ZNF395: variants seen among roughly 807,000 people sequenced by gnomAD.
The protein encoded by ZNF395 is HD gene regulatory region-binding protein 2.
A neutral mutation model predicts 57.7 loss-of-function variants in ZNF395; 20 were observed. The ratio of observed to expected loss-of-function variants is 0.35; its 90% CI spans 0.24 to 0.50. The LOEUF (loss-of-function observed/expected upper bound fraction) is 0.50, where lower values mean the gene tolerates loss of function less well. Ranked by LOEUF, ZNF395 falls within the 20% of genes least tolerant of loss-of-function variation. The pLI is 0.97. For missense variants in ZNF395, 606 were observed against 671.2 expected (o/e 0.90, Z 1.07); for synonymous variants, 295 against 275.9 (o/e 1.07, Z -0.69).
chr8:28,382,060 A>G lies in ZNF395; in HGVS notation c.-59+4333T>C, dbSNP rs182867660. ...ACAGCAATCCCGAATTTCCTGGCCCAGCATTCGAGTCTCTTGAAAACTCAG... is the reference window on the plus strand; with the variant it reads ...ACAGCAATCCCGAATTTCCTGGCCCGGCATTCGAGTCTCTTGAAAACTCAG... On this transcript the variant is annotated intron_variant, in intron 1 of 9. Transcript: ENST00000344423. Among the ~76,000 whole-genome samples the G allele has an allele frequency of 5.3e-5, 8 of 152,282 alleles. No homozygotes were observed. The East Asian group carries it at 1.5e-3, about 29-fold the overall frequency.
intron 3 of ZNF395, among the ~76,000 whole-genome samples, chr8:28,358,809 A>G (rs1337905301): frequency 6.6e-6 from 1 of 152,224 alleles, no homozygotes. Context: ...TTGAGGGTCC[A>G]TGAATGAGGT....
At chr8:28,382,668 G>C (rs1802123126) in intron 1 of ZNF395, among the ~76,000 whole-genome samples, 1 of 152,126 alleles carries the variant, frequency 6.6e-6, no homozygotes, top group South Asian at 2.1e-4. Context: ...CCTTAATCAA[G>C]GTGTCTCTCA....
At chr8:28,372,337 T>C (rs995313625) in intron 1 of ZNF395, among the ~76,000 whole-genome samples, 1 of 152,110 alleles carries the variant, frequency 6.6e-6, no homozygotes, top group African/African-American at 2.4e-5. Flanking sequence ...CTAGCAAAAG[T>C]GCGCGATAAA....
At chr8:28,357,139 G>A (rs899668487) in intron 3 of ZNF395, among the ~76,000 whole-genome samples, 1 of 152,130 alleles carries the variant, frequency 6.6e-6, no homozygotes, top group Non-Finnish European at 1.5e-5. Flanking sequence ...TTTTATTTAG[G>A]GGAAAGAGGA....
chr8:28,352,279 G>A lies in ZNF395; in HGVS notation c.920+294C>T, dbSNP rs541678099. ...CTTGGCCACTAAACATCTTGGAAAC[G>A]GGGTCTCACCAGCAACTAAACCAAA... is the stretch of plus-strand genomic sequence containing the variant. On this transcript the variant is annotated intron_variant, in intron 6 of 9. Coordinates refer to ENST00000344423, the MANE Select transcript of ZNF395 (RefSeq NM_018660.3). The surrounding 1 kb of genome is among the most constrained non-coding windows in gnomAD (Gnocchi z 4.0). Among the ~76,000 whole-genome samples, 1 of 152,296 alleles carries A rather than the reference G, an allele frequency of 6.6e-6. No individual in the cohort carries two copies. The highest frequency in any genetic ancestry group is 1.9e-4 in the East Asian group (1 of 5,180).
intron 1 of ZNF395, among the ~76,000 whole-genome samples, chr8:28,371,977 A>G (rs922225130): frequency 3.9e-5 from 6 of 152,128 alleles, no homozygotes; most frequent in African/African-American, 1.4e-4. Context: ...TGTACCTAGG[A>G]GGTTGCAGTG....
chr8:28,386,356 C>A (rs1403435365), intron 1 of ZNF395, 37 bp downstream of exon 1: 9 of 148,424 alleles, frequency 6.1e-5, no homozygotes, highest in Admixed American at 5.3e-4. Flanking sequence ...GCCCCCGCAC[C>A]CGCCCAGCAC....
intron 1 of ZNF395, among the ~76,000 whole-genome samples, chr8:28,374,471 AT>A (rs1346288059): frequency 3.3e-5 from 5 of 151,948 alleles, no homozygotes; most frequent in South Asian, 4.1e-4. Flanking sequence ...TTTCATTTAA[AT>A]TTTTTTTTTA....
chr8:28,385,552 G>GT (rs888253195), intron 1 of ZNF395, among the ~76,000 whole-genome samples: 10 of 150,616 alleles, frequency 6.6e-5, no homozygotes, highest in Admixed American at 1.3e-4. Context: ...CGGGCGGAGG[G>GT]TGTGTCCCTC....
chr8:28,383,399 G>A (rs932575387), intron 1 of ZNF395, among the ~76,000 whole-genome samples: 1 of 152,030 alleles, frequency 6.6e-6, no homozygotes, highest in South Asian at 2.1e-4. Context: ...AATATCCCTA[G>A]GGCTAATGTC....
chr8:28,382,936 G>A (rs1802127407), intron 1 of ZNF395, among the ~76,000 whole-genome samples: 1 of 152,212 alleles, frequency 6.6e-6, no homozygotes, highest in Non-Finnish European at 1.5e-5. Flanking sequence ...GGTACTTTAT[G>A]AACTTAGATT....
At chr8:28,353,138 C>T (rs1193806662) in intron 5 of ZNF395, 35 bp downstream of exon 5, 26 of 1,603,640 alleles carry the variant, frequency 1.6e-5, no homozygotes, top group Non-Finnish European at 2.2e-5. Flanking sequence ...TCATCCGCTC[C>T]AGCCTGGGCT....
At chr8:28,379,132 C>A (rs1196540569) in intron 1 of ZNF395, among the ~76,000 whole-genome samples, 2 of 152,144 alleles carry the variant, frequency 1.3e-5, no homozygotes, top group African/African-American at 4.8e-5. Flanking sequence ...GTCTGATAAC[C>A]AGGAAAATAT....
rs566722362 is a variant in ZNF395, at chr8:28,352,080, C to T, written c.921-273G>A. On this transcript the variant is annotated intron_variant, in intron 6 of 9. Transcript: ENST00000344423. This position sits in a 1 kb window ranked among gnomAD's most constrained non-coding sequence, Gnocchi z 4.0. ...GGCAGGAGGCATCCCACACTGAGCA[C>T]GACCACGAGCCCTCTCTGGGCCCCA... Among the ~76,000 whole-genome samples, 2 of 152,222 alleles carry T rather than the reference C, an allele frequency of 1.3e-5. No individual in the cohort carries two copies. The highest frequency in any genetic ancestry group is 6.5e-5 in the Admixed American group (1 of 15,288).
rs1457394158 is a variant in ZNF395 at position 28,347,833 on chromosome 8, C to T, written c.*886G>A. 1.3e-5 allele frequency: 2 copies of T among 152,226 alleles called. No individual in the cohort carries two copies. Among genetic ancestry groups the T allele is most frequent in the East Asian group, 1.9e-4 (1 of 5,202 alleles). 9.4% of individuals were successfully genotyped at this position (152,226 alleles called of 1,614,324 possible). A position where few individuals can be genotyped will look rare whatever the true frequency, so the allele number is the denominator to read the frequency against. ...AAAAGAAAACAAAGCATTTCTGAGG[C>T]GTCCTTTCAATAACCGGAGGAAGGC... On this transcript the variant is annotated 3_prime_UTR_variant, in exon 10 of 10. Transcript: ENST00000344423.
intron 1 of ZNF395, among the ~76,000 whole-genome samples, chr8:28,375,923 G>C (rs560485293): frequency 6.6e-5 from 10 of 152,302 alleles, no homozygotes; most frequent in African/African-American, 2.4e-4. Flanking sequence ...TTTACTAAGA[G>C]AGTTGTATAT....
chr8:28,360,618 T>A (rs1801836097), intron 2 of ZNF395, among the ~76,000 whole-genome samples: 1 of 152,240 alleles, frequency 6.6e-6, no homozygotes, highest in Non-Finnish European at 1.5e-5. Context: ...TCCTTCAAAC[T>A]GAGGTTTTGA....
intron 1 of ZNF395, among the ~76,000 whole-genome samples, chr8:28,384,043 G>A (rs1029469069): frequency 6.6e-6 from 1 of 152,050 alleles, no homozygotes; most frequent in Admixed American, 6.5e-5. Context: ...CAACAGTAAT[G>A]TTTCTCAAAC....
intron 1 of ZNF395, among the ~76,000 whole-genome samples, chr8:28,366,553 T>C (rs1451976797): frequency 2.0e-5 from 3 of 151,976 alleles, no homozygotes; most frequent in African/African-American, 7.2e-5. Context: ...CATCTCTTAT[T>C]TCACAATGGA....
Sources: allele counts gnomAD v4.1 joint callset (sites outside exome capture counted in the v4.1 genomes callset), GRCh38; gene constraint gnomAD v4.1.1; non-coding constraint Gnocchi (gnomAD v3.1); transcripts MANE v1.5; gene names NCBI Gene and HGNC (gene_info 2026-07-23, HGNC 2026-07-21).